The following NOX4 variants were observed in gnomAD, a reference collection of about 807,000 sequenced individuals.
NOX4 encodes NADPH oxidase 4.
In NOX4, 69 loss-of-function variants were observed where a neutral mutation model predicts 87.6. The ratio of observed to expected loss-of-function variants is 0.79; its 90% confidence interval spans 0.65 to 0.96. NOX4 has a LOEUF of 0.96. NOX4 is among the 40% of genes least tolerant of loss of function. The probability of loss-of-function intolerance (pLI) is 0.00; values close to 1 mark genes in which losing one functional copy is unlikely to be tolerated. For synonymous variants in NOX4, 275 were observed against 238.2 expected, an observed-to-expected ratio of 1.15 and a Z score of -1.42; for missense variants, 680 against 681.5, an observed-to-expected ratio of 1.00 and a Z score of 0.02.
the NOX4 span, among the ~76,000 whole-genome samples, chr11:89,524,815 T>A: frequency 6.6e-6 from 1 of 152,250 alleles, no homozygotes; most frequent in Middle Eastern, 3.4e-3. Context: ...AACATTTTTG[T>A]GGTGAGAACA....
intron 8 of NOX4, among the ~76,000 whole-genome samples, chr11:89,405,432 T>C (rs1334687839): frequency 2.0e-5 from 3 of 152,082 alleles, no homozygotes; most frequent in African/African-American, 7.2e-5. Context: ...TGTCCTTACT[T>C]TGTCTTCTTT....
At chr11:89,358,072 A>C (rs894694640) in intron 12 of NOX4, among the ~76,000 whole-genome samples, 3 of 152,074 alleles carry the variant, frequency 2.0e-5, no homozygotes, top group Non-Finnish European at 4.4e-5. Flanking sequence ...AACATCTTGA[A>C]TAGCTATCGT....
chr11:89,556,915 A>G, the NOX4 span: 2 of 152,260 alleles, frequency 1.3e-5, no homozygotes, highest in South Asian at 2.1e-4. Context: ...TCTGGGCAGA[A>G]GTTCATGCAA....
At chr11:89,550,267 C>A in the NOX4 span, among the ~76,000 whole-genome samples, 1 of 151,638 alleles carries the variant, frequency 6.6e-6, no homozygotes, top group Non-Finnish European at 1.5e-5. Flanking sequence ...CTCACTGCAA[C>A]CTCTGCCTCC....
chr11:89,336,675 C>G (rs1945728782), intron 16 of NOX4, among the ~76,000 whole-genome samples: 1 of 151,848 alleles, frequency 6.6e-6, no homozygotes, highest in Non-Finnish European at 1.5e-5. Flanking sequence ...ATGCTTCATA[C>G]CTTAATTATC....
intron 7 of NOX4, among the ~76,000 whole-genome samples, chr11:89,425,818 A>G (rs1943366612): frequency 6.6e-6 from 1 of 152,142 alleles, no homozygotes; most frequent in Non-Finnish European, 1.5e-5. Context: ...AGACAGTTTC[A>G]TTTAAGTATA....
intron 2 of NOX4, among the ~76,000 whole-genome samples, chr11:89,455,131 C>T (rs950279033): frequency 6.6e-6 from 1 of 152,112 alleles, no homozygotes; most frequent in Admixed American, 6.5e-5. Context: ...GTTTCATCTT[C>T]CATCAAGCAT....
the NOX4 span, among the ~76,000 whole-genome samples, chr11:89,541,627 A>T: frequency 3.3e-5 from 5 of 152,312 alleles, no homozygotes; most frequent in South Asian, 8.3e-4. Flanking sequence ...TATACTCATC[A>T]TTAGCTTTAT....
intron 2 of NOX4, among the ~76,000 whole-genome samples, chr11:89,483,534 G>A (rs916278543): frequency 6.7e-6 from 1 of 148,676 alleles, no homozygotes; most frequent in African/African-American, 2.5e-5. Flanking sequence ...ACTTATATGT[G>A]TCATCTAAGA....
At chr11:89,371,303 T>A (rs2135050863) in intron 12 of NOX4, among the ~76,000 whole-genome samples, 1 of 152,120 alleles carries the variant, frequency 6.6e-6, no homozygotes, top group East Asian at 1.9e-4. Flanking sequence ...GTCTATTAAT[T>A]GAAAAGCATC....
chr11:89,400,181 A>G, intron 10 of NOX4, 34 bp downstream of exon 10: 1 of 1,603,382 alleles, frequency 6.2e-7, no homozygotes, highest in Non-Finnish European at 8.5e-7. Flanking sequence ...ATAAGGATAA[A>G]GGCTATTTAA....
intron 13 of NOX4, 57 bp from the exon 14 acceptor site, chr11:89,342,250 C>T (rs969878100): frequency 1.0e-5 from 16 of 1,528,850 alleles, no homozygotes; most frequent in African/African-American, 5.5e-5. Context: ...AATTAATTTT[C>T]TGTACCATAT....
intron 4 of NOX4, among the ~76,000 whole-genome samples, chr11:89,448,580 A>G (rs1235818183): frequency 1.3e-5 from 2 of 152,134 alleles, no homozygotes; most frequent in Admixed American, 6.6e-5. Context: ...AGTATTTCAC[A>G]TTGTAATTTT....
chr11:89,436,625 G>A (rs75447597), intron 6 of NOX4, among the ~76,000 whole-genome samples: 5,463 of 152,062 alleles, frequency 0.036, 319 homozygotes, highest in African/African-American at 0.12. Flanking sequence ...CTGAGAGATT[G>A]TTTTCATCCA....
At chr11:89,497,091 T>C (rs1050020584), upstream of NOX4, among the ~76,000 whole-genome samples, 1 of 152,200 alleles carries the variant, frequency 6.6e-6, no homozygotes, top group African/African-American at 2.4e-5. Flanking sequence ...ACAAATGCAG[T>C]TGTGGTTGGC....
At chr11:89,404,262 C>A (rs1288979687) in intron 8 of NOX4, among the ~76,000 whole-genome samples, 1 of 151,776 alleles carries the variant, frequency 6.6e-6, no homozygotes, top group Non-Finnish European at 1.5e-5. Flanking sequence ...TATTGGCCAT[C>A]GGAAGGATAG....
At chr11:89,490,766 T>G (rs1946818585) in intron 1 of NOX4, 1 of 695,178 alleles carries the variant, frequency 1.4e-6, no homozygotes, top group Non-Finnish European at 2.6e-6. Context: ...AGACTAAGCA[T>G]TTGGGTTGCA....
At chr11:89,506,533 T>C in the NOX4 span, among the ~76,000 whole-genome samples, 1 of 151,574 alleles carries the variant, frequency 6.6e-6, no homozygotes, top group Admixed American at 6.6e-5. Context: ...AGTCAAAAAA[T>C]TCTAAAATAT....
chr11:89,341,605 A>G (rs1327671628), intron 14 of NOX4, among the ~76,000 whole-genome samples: 1 of 152,194 alleles, frequency 6.6e-6, no homozygotes, highest in African/African-American at 2.4e-5. Flanking sequence ...ATTTTCTGAA[A>G]TAATTTTATT....
Sources: gnomAD v4.1 joint callset for allele counts (sites outside exome capture counted in the v4.1 genomes callset) on GRCh38, gnomAD v4.1.1 for gene constraint, MANE v1.5 for transcripts, NCBI Gene and HGNC (gene_info 2026-07-23, HGNC 2026-07-21) for gene names.